Variants in ARL13B observed in about 807,000 individuals in gnomAD.
ARL13B encodes the protein ADP-ribosylation factor-like protein 13B.
A neutral mutation model predicts 56.1 loss-of-function variants in ARL13B; 36 were observed. The ratio of observed to expected loss-of-function variants is 0.64; its 90% confidence interval spans 0.49 to 0.85. The LOEUF (loss-of-function observed/expected upper bound fraction) is 0.85. Among genes scored for constraint, ARL13B ranks in the 40% least tolerant of loss-of-function variants. ARL13B has a pLI of 0.00. For missense variants in ARL13B, 519 were observed against 507.1 expected, an observed-to-expected ratio of 1.02 and a Z score of -0.23; for synonymous variants, 178 against 171.1, an observed-to-expected ratio of 1.04 and a Z score of -0.32.
At chr3:94,043,972 G>A (rs1268855381) in intron 7 of ARL13B, among the ~76,000 whole-genome samples, 4 of 151,850 alleles carry the variant, frequency 2.6e-5, no homozygotes, top group African/African-American at 9.7e-5. Flanking sequence ...ATGTTGCTCA[G>A]GCTGGAGTGC....
chr3:94,018,920 C>A (rs2076390412), intron 3 of ARL13B, among the ~76,000 whole-genome samples: 1 of 152,132 alleles, frequency 6.6e-6, no homozygotes, highest in South Asian at 2.1e-4. Context: ...CATGTGCCAC[C>A]ACGCCCAGCT....
At position 94,039,934 on chromosome 3, in the gene ARL13B, G is replaced by T; in HGVS notation, c.744G>T (p.Glu248Asp). ...TCGATGGAACCAGTGGTCTGGCTGA[G>T]TTGGACCCAGAACCAACGAATCCTT... ...AELDGTSGLA[E>D]LDPEPTNPFQ... The change falls in exon 6 of 10, where the codon GAG becomes GAT. Residue 248 changes from glutamate to aspartate, a missense_variant. By Grantham distance (45) the Glu-to-Asp change is conservative. Coordinates refer to ENST00000394222, the MANE Select transcript of ARL13B (RefSeq NM_001174150.2). The T allele has an allele frequency of 6.2e-7, 1 of 1,614,114 alleles. No homozygotes were observed. The highest frequency in any genetic ancestry group is 1.1e-5 in the South Asian group (1 of 91,068).
chr3:94,015,167 G>C lies in ARL13B; in HGVS notation c.380+11259G>C, dbSNP rs2076304581. The C allele has an allele frequency of 2.5e-6, 4 of 1,613,738 alleles. No individual in the cohort carries two copies. The South Asian group carries it at 4.4e-5, about 18-fold the overall frequency. Reference sequence around the variant, plus strand: ...CTTTCATAAATAACAGCTTGCTGTAGAAACACCCCTTGTTCCTCTGTTTCT... The same window carrying C: ...CTTTCATAAATAACAGCTTGCTGTACAAACACCCCTTGTTCCTCTGTTTCT... On this transcript the variant is annotated intron_variant, in intron 3 of 9. Transcript: ENST00000394222.
intron 4 of ARL13B, 27 bp downstream of exon 4, chr3:94,035,463 T>C: frequency 6.8e-7 from 1 of 1,472,330 alleles, no homozygotes; most frequent in South Asian, 1.2e-5. Context: ...TTTTTTAATT[T>C]TAATTTTTTG....
intron 1 of ARL13B, among the ~76,000 whole-genome samples, chr3:93,980,825 AAG>A (rs1193913847): frequency 6.6e-6 from 1 of 151,960 alleles, no homozygotes; most frequent in Non-Finnish European, 1.5e-5. Flanking sequence ...TTCTTTTAAA[AAG>A]AGGGGGACAT....
intron 3 of ARL13B, among the ~76,000 whole-genome samples, chr3:94,020,877 A>G (rs1159978352): frequency 1.3e-5 from 2 of 152,164 alleles, no homozygotes; most frequent in Non-Finnish European, 2.9e-5. Context: ...AAGTTCAGTC[A>G]GTACAATTTA....
intron 7 of ARL13B, among the ~76,000 whole-genome samples, chr3:94,045,739 G>A (rs372077715): frequency 3.3e-5 from 5 of 151,572 alleles, no homozygotes; most frequent in African/African-American, 1.2e-4. Flanking sequence ...GAGGCGGGAG[G>A]ATCACGAGGA....
chr3:94,021,105 A>G (rs2076438389), intron 3 of ARL13B, among the ~76,000 whole-genome samples: 1 of 151,962 alleles, frequency 6.6e-6, no homozygotes, highest in South Asian at 2.1e-4. Context: ...GTCAGGAGGA[A>G]TATTAGACGA....
intron 1 of ARL13B, among the ~76,000 whole-genome samples, chr3:93,994,883 C>A (rs547710464): frequency 6.6e-6 from 1 of 151,756 alleles, no homozygotes; most frequent in African/African-American, 2.4e-5. Flanking sequence ...ACACCCTTTA[C>A]GGCCATTTAA....
At chr3:93,983,840 A>G (rs536663504) in intron 1 of ARL13B, among the ~76,000 whole-genome samples, 16 of 152,266 alleles carry the variant, frequency 1.1e-4, no homozygotes, top group African/African-American at 2.6e-4. Context: ...CTGTAGTACA[A>G]TTGACACTTG....
chr3:93,985,966 T>G (rs765522044), intron 1 of ARL13B, among the ~76,000 whole-genome samples: 5 of 152,236 alleles, frequency 3.3e-5, no homozygotes, highest in Non-Finnish European at 2.9e-5. Flanking sequence ...CTTAGCTCCC[T>G]AATACCATCA....
intron 7 of ARL13B, among the ~76,000 whole-genome samples, chr3:94,045,602 G>A (rs992603757): frequency 1.3e-5 from 2 of 151,920 alleles, no homozygotes; most frequent in African/African-American, 4.8e-5. Context: ...GTAAAGGACT[G>A]GAATACCCAA....
Position 94,036,415 on chromosome 3 carries a change from A to G in ARL13B, c.487-137A>G, listed in dbSNP as rs928563613. 4 of 831,772 alleles carry G rather than the reference A, an allele frequency of 4.8e-6. No individual in the cohort carries two copies. The African/African-American group carries it at 6.9e-5, about 14-fold the overall frequency. The allele number at this position is 831,772 out of a possible 1,614,324, so 51.5% of individuals were successfully genotyped here. On this transcript the variant is annotated intron_variant, in intron 4 of 9. Transcript: ENST00000394222. ...TAATCATTGCAGTGCTATGTTTTGG[A>G]AGTTAAATAAGCAGATGCTTCATAT...
intron 7 of ARL13B, among the ~76,000 whole-genome samples, chr3:94,046,058 CA>C: frequency 6.7e-6 from 1 of 150,350 alleles, no homozygotes; most frequent in African/African-American, 2.4e-5. Context: ...CAATAAAACA[CA>C]ATAGAGATTC....
rs775668943 is a variant in ARL13B, at chr3:93,995,836, A to G, written c.60-38A>G. On this transcript the variant is annotated intron_variant, in intron 1 of 9. Coordinates refer to ENST00000394222, the MANE Select transcript of ARL13B (RefSeq NM_001174150.2). ...ATTTATTTTTCCTCAATACTAAATT[A>G]ACAAAGAAAGTGATTTTTAAATTTC... is the stretch of plus-strand genomic sequence containing the variant. 6 of 1,553,652 alleles carry G rather than the reference A, an allele frequency of 3.9e-6. No homozygotes were observed. In the East Asian group the frequency reaches 1.2e-4, roughly 31 times the overall value.
chr3:94,024,316 A>G (rs540536436), intron 3 of ARL13B, among the ~76,000 whole-genome samples: 153 of 152,304 alleles, frequency 1.0e-3, no homozygotes, highest in African/African-American at 3.5e-3. Context: ...AAATATAGGG[A>G]AAAAGAAAGA....
At chr3:94,027,172 G>C (rs922271315) in intron 3 of ARL13B, among the ~76,000 whole-genome samples, 1 of 151,904 alleles carries the variant, frequency 6.6e-6, no homozygotes, top group South Asian at 2.1e-4. Context: ...AGAATATTCT[G>C]TTGCTTTTGT....
chr3:94,048,008 A>ACACT (rs903234418), intron 7 of ARL13B: 13 of 151,828 alleles, frequency 8.6e-5, no homozygotes, highest in Admixed American at 2.6e-4. Context: ...AGACACACAC[A>ACACT]CACACACACA....
rs1388251668 is a variant in ARL13B, at chr3:94,053,956, T to A, written c.*693T>A. On this transcript the variant is annotated 3_prime_UTR_variant, in exon 10 of 10. Transcript: ENST00000394222. ...TTTCGAAGTAGTAGATTCTCAGATC[T>A]TTATTCTAACAATTACATGATTTGA... 1 of 343,780 alleles carries A rather than the reference T, an allele frequency of 2.9e-6. No individual in the cohort carries two copies. The highest frequency in any genetic ancestry group is 2.3e-5 in the South Asian group (1 of 42,604). The allele number at this position is 343,780 out of a possible 1,614,324, so 21.3% of individuals were successfully genotyped here. A position where few individuals can be genotyped will look rare whatever the true frequency, so the allele number is the denominator to read the frequency against.
Sources: gnomAD v4.1 joint callset for allele counts (sites outside exome capture counted in the v4.1 genomes callset) on GRCh38, gnomAD v4.1.1 for gene constraint, MANE v1.5 for transcripts, NCBI Gene and HGNC (gene_info 2026-07-23, HGNC 2026-07-21) for gene names.